Variants in EYS observed in about 807,000 individuals in gnomAD.
The protein encoded by EYS is EGF-like photoreceptor maintenance factor, also known as protein eyes shut homolog.
Under a neutral mutation model 282.1 loss-of-function variants are expected in EYS, and 250 were observed. The observed-to-expected ratio is 0.89, with a 90% CI of 0.80 to 0.98. The LOEUF is 0.98. Among genes scored for constraint, EYS ranks in the 50% least tolerant of loss-of-function variants. The pLI is 0.00. For missense variants in EYS, 4,016 were observed against 3,709.0 expected, an observed-to-expected ratio of 1.08 and a Z score of -2.15; for synonymous variants, 1,355 against 1,282.9, an observed-to-expected ratio of 1.06 and a Z score of -1.20.
At chr6:65,394,023 A>G (rs1766166528) in intron 7 of EYS, among the ~76,000 whole-genome samples, 1 of 152,146 alleles carries the variant, frequency 6.6e-6, no homozygotes, top group African/African-American at 2.4e-5. Context: ...CATATTTTAC[A>G]AAGTTTTCTC....
intron 26 of EYS, among the ~76,000 whole-genome samples, chr6:64,500,410 G>C (rs1777001867): frequency 6.6e-6 from 1 of 151,974 alleles, no homozygotes; most frequent in African/African-American, 2.4e-5. Flanking sequence ...GTTTGCTCCA[G>C]GTACACAACA....
intron 31 of EYS, among the ~76,000 whole-genome samples, chr6:64,224,730 AC>A (rs566914208): frequency 8.3e-4 from 127 of 152,288 alleles, no homozygotes; most frequent in Non-Finnish European, 1.6e-3. Flanking sequence ...ATGAAAGGCA[AC>A]AAAAAGTTTT....
intron 37 of EYS, among the ~76,000 whole-genome samples, chr6:63,789,779 A>G (rs953605385): frequency 2.0e-5 from 3 of 152,178 alleles, no homozygotes; most frequent in African/African-American, 4.8e-5. Flanking sequence ...CTCTCCTTCC[A>G]TTAGTTCAGA....
At chr6:64,940,979 T>C (rs187103158) in intron 15 of EYS, among the ~76,000 whole-genome samples, 1 of 152,118 alleles carries the variant, frequency 6.6e-6, no homozygotes, top group African/African-American at 2.4e-5. Flanking sequence ...AGTGTGTTTG[T>C]ATGCAATTCA....
intron 26 of EYS, among the ~76,000 whole-genome samples, chr6:64,572,072 G>C (rs901678307): frequency 6.6e-6 from 1 of 151,978 alleles, no homozygotes; most frequent in African/African-American, 2.4e-5. Flanking sequence ...ACATCAAAAA[G>C]CTTATCCACC....
At chr6:64,590,093 A>T (rs546775016) in intron 26 of EYS, 130 bp downstream of exon 26, 1 of 757,318 alleles carries the variant, frequency 1.3e-6, no homozygotes. Flanking sequence ...TGCCTTCTCA[A>T]TTGAACTGGC....
intron 40 of EYS, among the ~76,000 whole-genome samples, chr6:63,768,452 G>T (rs1261526315): frequency 2.0e-5 from 3 of 151,976 alleles, no homozygotes; most frequent in Non-Finnish European, 4.4e-5. Context: ...AGACATACAT[G>T]AAATCAACAA....
intron 35 of EYS, among the ~76,000 whole-genome samples, chr6:63,926,094 T>C (rs1764709681): frequency 6.6e-6 from 1 of 152,234 alleles, no homozygotes. Context: ...CATTGTGCTT[T>C]ATCCACAGGG....
intron 35 of EYS, among the ~76,000 whole-genome samples, chr6:63,924,602 G>A (rs984460163): frequency 6.6e-6 from 1 of 152,198 alleles, no homozygotes; most frequent in Non-Finnish European, 1.5e-5. Context: ...AGTATAAGCA[G>A]CCCTTAACAA....
chr6:65,542,160 A>G (rs1369476055), intron 2 of EYS, among the ~76,000 whole-genome samples: 3 of 152,184 alleles, frequency 2.0e-5, no homozygotes, highest in African/African-American at 7.2e-5. Flanking sequence ...TAGTTTATGA[A>G]TTCTAAGATT....
intron 2 of EYS, among the ~76,000 whole-genome samples, chr6:65,629,144 A>G (rs1766823347): frequency 6.6e-6 from 1 of 152,222 alleles, no homozygotes; most frequent in Non-Finnish European, 1.5e-5. Flanking sequence ...AAATAGTGCA[A>G]GGAAATGAGA....
At chr6:65,056,480 T>C (rs1285934687) in intron 13 of EYS, among the ~76,000 whole-genome samples, 2 of 152,018 alleles carry the variant, frequency 1.3e-5, no homozygotes, top group African/African-American at 2.4e-5. Flanking sequence ...TAGTCCTATC[T>C]ACTCAGGGGA....
chr6:65,393,014 C>T (rs1766112020), intron 7 of EYS, among the ~76,000 whole-genome samples: 1 of 152,042 alleles, frequency 6.6e-6, no homozygotes, highest in African/African-American at 2.4e-5. Flanking sequence ...GAGTTCATGT[C>T]CTTTGTAGAG....
chr6:64,750,882 G>C (rs1042431349), intron 22 of EYS, among the ~76,000 whole-genome samples: 2 of 152,182 alleles, frequency 1.3e-5, no homozygotes, highest in African/African-American at 4.8e-5. Context: ...CCCAGTACAT[G>C]AGAGGGGCAG....
chr6:64,916,263 G>A (rs1049729920), intron 15 of EYS, among the ~76,000 whole-genome samples: 18 of 152,192 alleles, frequency 1.2e-4, no homozygotes, highest in African/African-American at 4.1e-4. Context: ...AAGAAAAACC[G>A]ACAATTCTTG....
intron 22 of EYS, among the ~76,000 whole-genome samples, chr6:64,757,023 C>T (rs927844872): frequency 2.0e-5 from 3 of 151,704 alleles, no homozygotes; most frequent in African/African-American, 4.8e-5. Flanking sequence ...TTCACATATA[C>T]GTACAGACCC....
At chr6:65,338,127 A>T (rs1434668993) in intron 10 of EYS, among the ~76,000 whole-genome samples, 1 of 151,236 alleles carries the variant, frequency 6.6e-6, no homozygotes, top group Non-Finnish European at 1.5e-5. Context: ...AATGGAAAAG[A>T]TGGTGAATTA....
At chr6:63,759,987 A>C (rs1463665026) in intron 41 of EYS, among the ~76,000 whole-genome samples, 2 of 152,068 alleles carry the variant, frequency 1.3e-5, no homozygotes, top group African/African-American at 4.8e-5. Flanking sequence ...AAGTAGTTTG[A>C]ACATTTGCCT....
rs188106740 is a variant in EYS at position 63,763,829 on chromosome 6, C to T, written c.7899-1196G>A. Among the ~76,000 whole-genome samples, 289 of 146,526 alleles carry T rather than the reference C, an allele frequency of 2.0e-3. 1 individual carries two copies. Among genetic ancestry groups the T allele is most frequent in the Non-Finnish European group, 3.7e-3 (244 of 66,830 alleles). On this transcript the variant is annotated intron_variant, in intron 40 of 42. Coordinates refer to ENST00000503581, the MANE Select transcript of EYS (RefSeq NM_001142800.2). ...ATACATGTCCCATGCAATATATGAA[C>T]TTTAAATAAATAATATTTGAGATTT...
Sources: gnomAD v4.1 joint callset for allele counts (sites outside exome capture counted in the v4.1 genomes callset) on GRCh38, gnomAD v4.1.1 for gene constraint, MANE v1.5 for transcripts, NCBI Gene and HGNC (gene_info 2026-07-23, HGNC 2026-07-21) for gene names.